ANTXR1: variants seen among roughly 807,000 people sequenced by gnomAD.
ANTXR1 encodes anthrax toxin receptor 1.
A neutral mutation model predicts 78.1 loss-of-function variants in ANTXR1; 19 were observed. That is an observed-to-expected ratio of 0.24 (90% confidence interval 0.17 to 0.36). The LOEUF is 0.36. Ranked by LOEUF, ANTXR1 falls within the 10% of genes least tolerant of loss-of-function variation. The pLI, the probability that ANTXR1 is intolerant of heterozygous loss-of-function variation, is 1.00. For synonymous variants in ANTXR1, 273 were observed against 260.5 expected (o/e 1.05, Z -0.46); for missense variants, 518 against 718.6 (o/e 0.72, Z 3.19).
chr2:69,040,197 C>T, intron 2 of ANTXR1, 82 bp downstream of exon 2: 1 of 1,244,752 alleles, frequency 8.0e-7, no homozygotes, highest in Non-Finnish European at 1.2e-6. Flanking sequence ...CTATTAATTA[C>T]TACATACTTT....
chr2:69,229,750 T>TA (rs1279997884), intron 17 of ANTXR1, among the ~76,000 whole-genome samples: 90 of 149,342 alleles, frequency 6.0e-4, no homozygotes, highest in Non-Finnish European at 1.1e-3. Flanking sequence ...TTTTTTTTTT[T>TA]AATCTTAGAA....
intron 14 of ANTXR1, among the ~76,000 whole-genome samples, chr2:69,176,468 C>T (rs1674121510): frequency 6.6e-6 from 1 of 152,210 alleles, no homozygotes; most frequent in Non-Finnish European, 1.5e-5. Flanking sequence ...CCAAATGAGA[C>T]AGTCCTGCCA....
intron 17 of ANTXR1, among the ~76,000 whole-genome samples, chr2:69,214,159 G>T (rs1675121561): frequency 6.6e-6 from 1 of 152,268 alleles, no homozygotes; most frequent in Admixed American, 6.5e-5. Context: ...GCATTTCTGG[G>T]TCCTGTGAAG....
chr2:69,193,218 A>T (rs1395936024), intron 16 of ANTXR1, 117 bp from the exon 17 acceptor site: 2 of 817,872 alleles, frequency 2.4e-6, no homozygotes, highest in African/African-American at 3.4e-5. Context: ...TCATGACCAT[A>T]TTGACAGTGT....
intron 10 of ANTXR1, among the ~76,000 whole-genome samples, chr2:69,107,465 C>G (rs1488574377): frequency 6.6e-6 from 1 of 152,106 alleles, no homozygotes; most frequent in Non-Finnish European, 1.5e-5. Context: ...GTCTCGAACT[C>G]CTGGGCTCAA....
chr2:69,131,484 A>G (rs564479978), intron 12 of ANTXR1, among the ~76,000 whole-genome samples: 134 of 152,236 alleles, frequency 8.8e-4, no homozygotes, highest in Non-Finnish European at 1.4e-3. Flanking sequence ...GAGGTAGTTT[A>G]TAGCTTTGGA....
intron 1 of ANTXR1, among the ~76,000 whole-genome samples, chr2:69,021,222 C>A (rs1408649151): frequency 1.3e-5 from 2 of 152,244 alleles, no homozygotes; most frequent in South Asian, 4.1e-4. Flanking sequence ...CGTGAGGAGA[C>A]CGAGGTTTAG....
At chr2:69,187,015 G>A (rs1674433319) in intron 16 of ANTXR1, among the ~76,000 whole-genome samples, 1 of 152,246 alleles carries the variant, frequency 6.6e-6, no homozygotes, top group Non-Finnish European at 1.5e-5. Flanking sequence ...GTATTGGAAA[G>A]ACTCATGGCT....
chr2:69,022,169 A>G (rs72895411), intron 1 of ANTXR1, among the ~76,000 whole-genome samples: 11,458 of 152,134 alleles, frequency 0.075, 735 homozygotes, highest in East Asian at 0.23. Context: ...AACACAGACC[A>G]CTGCAGCAGC....
At chr2:69,083,698 A>G (rs529566305) in intron 8 of ANTXR1, among the ~76,000 whole-genome samples, 3 of 152,174 alleles carry the variant, frequency 2.0e-5, no homozygotes, top group Non-Finnish European at 4.4e-5. Flanking sequence ...GGGAAGACCT[A>G]CACTGCACAA....
intron 8 of ANTXR1, among the ~76,000 whole-genome samples, chr2:69,081,441 A>G (rs1411812706): frequency 2.6e-5 from 4 of 152,214 alleles, no homozygotes; most frequent in African/African-American, 9.6e-5. Flanking sequence ...TTCAAGAGGA[A>G]GTACTTATGT....
chr2:69,099,660 GT>G (rs1671547276), intron 9 of ANTXR1, among the ~76,000 whole-genome samples: 1 of 152,150 alleles, frequency 6.6e-6, no homozygotes, highest in Non-Finnish European at 1.5e-5. Context: ...TCTCCATATG[GT>G]TATGGTTTGT....
chr2:69,108,043 T>C (rs748410058), intron 10 of ANTXR1, among the ~76,000 whole-genome samples: 2 of 152,258 alleles, frequency 1.3e-5, no homozygotes, highest in Non-Finnish European at 2.9e-5. Flanking sequence ...TCTGTAATGA[T>C]GGAAGTGTTC....
At chr2:69,108,050 GT>G (rs1473865097) in intron 10 of ANTXR1, among the ~76,000 whole-genome samples, 2 of 152,188 alleles carry the variant, frequency 1.3e-5, no homozygotes, top group African/African-American at 4.8e-5. Flanking sequence ...TGATGGAAGT[GT>G]TCTAAGATGG....
chr2:69,233,975 G>A (rs1304732958), intron 17 of ANTXR1, among the ~76,000 whole-genome samples: 1 of 152,024 alleles, frequency 6.6e-6, no homozygotes, highest in Non-Finnish European at 1.5e-5. Flanking sequence ...TTAAAAGAAG[G>A]CTGGAACTTA....
chr2:69,096,798 A>G (rs1671447783), intron 9 of ANTXR1, among the ~76,000 whole-genome samples: 1 of 152,228 alleles, frequency 6.6e-6, no homozygotes, highest in African/African-American at 2.4e-5. Context: ...ATTATTGAGG[A>G]CTGAATAACT....
chr2:69,113,504 C>T (rs1039088735), intron 10 of ANTXR1, among the ~76,000 whole-genome samples: 1 of 152,190 alleles, frequency 6.6e-6, no homozygotes, highest in Non-Finnish European at 1.5e-5. Context: ...GCTCTGTCCC[C>T]CATGCCATTC....
At chr2:69,156,234 C>G (rs11688982) in intron 13 of ANTXR1, among the ~76,000 whole-genome samples, 1 of 152,214 alleles carries the variant, frequency 6.6e-6, no homozygotes, top group East Asian at 1.9e-4. Flanking sequence ...TCATATTCAG[C>G]AGACAACCTG....
At chr2:69,073,192 G>A in intron 6 of ANTXR1, 91 bp downstream of exon 6, 2 of 1,106,816 alleles carry the variant, frequency 1.8e-6, no homozygotes, top group Non-Finnish European at 2.8e-6. Context: ...TCATGTGATA[G>A]GTGTTCTTTG....
Sources: gnomAD v4.1 joint callset for allele counts (sites outside exome capture counted in the v4.1 genomes callset) on GRCh38, gnomAD v4.1.1 for gene constraint, MANE v1.5 for transcripts, NCBI Gene and HGNC (gene_info 2026-07-23, HGNC 2026-07-21) for gene names.